NHERF4: variants seen among roughly 807,000 people sequenced by gnomAD.
NHERF4 encodes Na(+)/H(+) exchange regulatory cofactor NHE-RF4.
the NHERF4 span, chr11:119,189,307 G>A: frequency 4.0e-6 from 6 of 1,487,344 alleles, no homozygotes; most frequent in East Asian, 9.1e-5. The surrounding 1 kb of genome is among the most constrained non-coding windows in gnomAD (Gnocchi z 5.8). Flanking sequence ...AGCCGTGTGG[G>A]GTATGCAGGT....
the NHERF4 span, chr11:119,188,846 G>A: frequency 1.2e-6 from 2 of 1,614,144 alleles, no homozygotes; most frequent in Non-Finnish European, 1.7e-6. Context: ...TGGCCAGTGG[G>A]CCTCGTCTCT....
At chr11:119,188,023 G>A in the NHERF4 span, 12 of 1,560,420 alleles carry the variant, frequency 7.7e-6, 2 homozygotes, top group East Asian at 2.6e-4. Flanking sequence ...GATTGCCCCT[G>A]GCTGCACCCC....
At chr11:119,185,742 G>A in the NHERF4 span, 1 of 849,618 alleles carries the variant, frequency 1.2e-6, no homozygotes, top group East Asian at 2.6e-5. Context: ...GAAAGGGAGG[G>A]GACCGCACAA....
At chr11:119,188,167 G>A in the NHERF4 span, 5 of 1,518,820 alleles carry the variant, frequency 3.3e-6, no homozygotes, top group East Asian at 2.5e-5. Context: ...CCTGGGGGCG[G>A]TGGGGGAAGG....
the NHERF4 span, chr11:119,187,909 G>A: frequency 1.3e-6 from 2 of 1,520,384 alleles, no homozygotes; most frequent in Non-Finnish European, 1.8e-6. Context: ...CTGCCCAGGT[G>A]TTATACTGAT....
At chr11:119,187,621 G>A in the NHERF4 span, 1 of 1,579,936 alleles carries the variant, frequency 6.3e-7, no homozygotes, top group Non-Finnish European at 8.6e-7. Flanking sequence ...GAGCGGGCAG[G>A]GGTGCCCCCC....
At chr11:119,188,537 C>T in the NHERF4 span, 41 of 1,598,424 alleles carry the variant, frequency 2.6e-5, no homozygotes, top group African/African-American at 2.0e-4. Flanking sequence ...TGAGGCGGAC[C>T]GCTTCTTCAG....
At chr11:119,188,765 C>T in the NHERF4 span, 1 of 1,614,192 alleles carries the variant, frequency 6.2e-7, no homozygotes, top group Non-Finnish European at 8.5e-7. Context: ...TGCCTTCTGT[C>T]CCTCTTGGCT....
At chr11:119,186,373 C>A in the NHERF4 span, 2 of 1,559,082 alleles carry the variant, frequency 1.3e-6, no homozygotes, top group East Asian at 2.2e-5. This position sits in a 1 kb window ranked among gnomAD's most constrained non-coding sequence, Gnocchi z 4.4. Flanking sequence ...CAGGCAGAAA[C>A]TGCCCAGCAC....
the NHERF4 span, chr11:119,186,404 G>T: frequency 6.3e-7 from 1 of 1,578,774 alleles, no homozygotes; most frequent in Non-Finnish European, 8.7e-7. This position sits in a 1 kb window ranked among gnomAD's most constrained non-coding sequence, Gnocchi z 4.4. Flanking sequence ...CACAGGGTCT[G>T]CCAGGCACAC....
At chr11:119,189,637 C>A in the NHERF4 span, 2 of 921,614 alleles carry the variant, frequency 2.2e-6, no homozygotes, top group Non-Finnish European at 3.5e-6. This position sits in a 1 kb window ranked among gnomAD's most constrained non-coding sequence, Gnocchi z 5.8. Flanking sequence ...GTGCTCCCTC[C>A]CTTCCTGCAG....
At chr11:119,188,877 G>A in the NHERF4 span, 1 of 1,613,316 alleles carries the variant, frequency 6.2e-7, no homozygotes, top group Non-Finnish European at 8.5e-7. Flanking sequence ...GGTGACTGAT[G>A]CCCCATGGAT....
chr11:119,186,303 C>A, the NHERF4 span: 4 of 1,590,334 alleles, frequency 2.5e-6, no homozygotes, highest in Non-Finnish European at 2.6e-6. The surrounding 1 kb of genome is among the most constrained non-coding windows in gnomAD (Gnocchi z 4.4). Context: ...ATAGGAGGGG[C>A]CGGGTGTTTT....
the NHERF4 span, chr11:119,188,454 G>C: frequency 6.2e-7 from 1 of 1,613,022 alleles, no homozygotes; most frequent in African/African-American, 1.3e-5. Flanking sequence ...AGCGTGGAGG[G>C]GCTGGGCCAT....
chr11:119,189,232 G>GT, the NHERF4 span: 9 of 1,588,340 alleles, frequency 5.7e-6, no homozygotes, highest in Non-Finnish European at 7.7e-6. This position sits in a 1 kb window ranked among gnomAD's most constrained non-coding sequence, Gnocchi z 5.8. Context: ...AGATGGGACT[G>GT]TGAGTAGCTA....
At chr11:119,189,073 G>A in the NHERF4 span, 5 of 1,614,000 alleles carry the variant, frequency 3.1e-6, no homozygotes, top group South Asian at 1.1e-5. This position sits in a 1 kb window ranked among gnomAD's most constrained non-coding sequence, Gnocchi z 5.8. Context: ...AAGTGAACGG[G>A]TATCCTGTTG....
chr11:119,187,072 G>A, the NHERF4 span, among the ~76,000 whole-genome samples: 1,218 of 151,640 alleles, frequency 8.0e-3, 7 homozygotes, highest in Non-Finnish European at 0.012. Context: ...CATGGGAGGC[G>A]GAGGTTGCGG....
At chr11:119,188,962 T>G in the NHERF4 span, 3 of 1,613,320 alleles carry the variant, frequency 1.9e-6, no homozygotes, top group South Asian at 3.3e-5. Flanking sequence ...GCCAGCAAAC[T>G]TTCCCCCGGT....
At chr11:119,185,621 T>A in the NHERF4 span, 1 of 1,061,558 alleles carries the variant, frequency 9.4e-7, no homozygotes, top group Non-Finnish European at 1.5e-6. Flanking sequence ...CTTGGAGCCC[T>A]GAGGCAGGTA....
Sources: gnomAD v4.1 joint callset for allele counts (sites outside exome capture counted in the v4.1 genomes callset) on GRCh38, gnomAD v4.1.1 for gene constraint, Gnocchi (gnomAD v3.1) non-coding constraint, MANE v1.5 for transcripts, NCBI Gene and HGNC (gene_info 2026-07-23, HGNC 2026-07-21) for gene names.